FAF1: variants seen among roughly 807,000 people sequenced by gnomAD.
The protein encoded by FAF1 is Fas associated factor 1.
In FAF1, 25 loss-of-function variants were observed where a neutral mutation model predicts 92.5. The ratio of observed to expected loss-of-function variants is 0.27; its 90% CI spans 0.20 to 0.38. The LOEUF (loss-of-function observed/expected upper bound fraction) is 0.38, where lower values mean the gene tolerates loss of function less well. FAF1 is among the 10% of genes least tolerant of loss of function. The pLI is 1.00. For missense variants in FAF1, 636 were observed against 793.3 expected (o/e 0.80, Z 2.38); for synonymous variants, 234 against 273.2 (o/e 0.86, Z 1.42).
chr1:50,737,350 G>A (rs187783857), intron 6 of FAF1, among the ~76,000 whole-genome samples: 2 of 152,166 alleles, frequency 1.3e-5, no homozygotes, highest in Admixed American at 6.6e-5. Context: ...ATTTAATCAC[G>A]CTACTGGAAA....
intron 1 of FAF1, among the ~76,000 whole-genome samples, chr1:50,929,525 A>G (rs1645032717): frequency 6.6e-6 from 1 of 152,236 alleles, no homozygotes; most frequent in African/African-American, 2.4e-5. Flanking sequence ...GGTAACAAAA[A>G]CTAGAGAATA....
intron 6 of FAF1, among the ~76,000 whole-genome samples, chr1:50,707,726 A>T (rs1657744834): frequency 6.6e-6 from 1 of 152,026 alleles, no homozygotes. Flanking sequence ...AAGAAAAAAG[A>T]AAAAAAGGAA....
intron 17 of FAF1, among the ~76,000 whole-genome samples, chr1:50,487,478 G>A (rs1002647601): frequency 1.1e-4 from 16 of 152,060 alleles, no homozygotes; most frequent in Admixed American, 1.0e-3. Context: ...ATGTATTCAT[G>A]TAAGTTTCTT....
chr1:50,789,007 ATT>A (rs1244129697), intron 3 of FAF1, among the ~76,000 whole-genome samples: 1 of 151,818 alleles, frequency 6.6e-6, no homozygotes, highest in Non-Finnish European at 1.5e-5. Context: ...TCATTTTTGT[ATT>A]TTTTTGTAGA....
chr1:50,827,733 G>A (rs755564926), intron 2 of FAF1, among the ~76,000 whole-genome samples: 15 of 151,924 alleles, frequency 9.9e-5, no homozygotes, highest in East Asian at 7.7e-4. Flanking sequence ...ACCTAAATAC[G>A]TAAATAAAAT....
At chr1:50,485,883 G>C (rs932739897) in intron 17 of FAF1, among the ~76,000 whole-genome samples, 1 of 151,886 alleles carries the variant, frequency 6.6e-6, no homozygotes, top group Non-Finnish European at 1.5e-5. Context: ...AACAACGGAG[G>C]AAGTGCCACA....
chr1:50,797,485 G>T (rs1242451185), intron 3 of FAF1, among the ~76,000 whole-genome samples: 1 of 152,068 alleles, frequency 6.6e-6, no homozygotes, highest in East Asian at 1.9e-4. Context: ...AGGATGGCTT[G>T]AACCCAGTAG....
chr1:50,568,745 CAAGT>C (rs1409773886), intron 12 of FAF1, among the ~76,000 whole-genome samples: 1 of 152,086 alleles, frequency 6.6e-6, no homozygotes, highest in East Asian at 1.9e-4. Flanking sequence ...ACTCCAAGTC[CAAGT>C]AAGTGTTTTT....
chr1:50,742,384 AG>A (rs963612907), intron 5 of FAF1, among the ~76,000 whole-genome samples: 6 of 92,496 alleles, frequency 6.5e-5, no homozygotes, highest in Non-Finnish European at 1.1e-4. Flanking sequence ...CAAATTTGGG[AG>A]GGGGGGTGTG....
At chr1:50,678,069 T>C (rs960255728) in intron 7 of FAF1, among the ~76,000 whole-genome samples, 2 of 152,218 alleles carry the variant, frequency 1.3e-5, no homozygotes, top group Non-Finnish European at 2.9e-5. Flanking sequence ...CTTCCATATA[T>C]GCTTGGCACT....
At chr1:50,887,445 C>T (rs1239655360) in intron 1 of FAF1, among the ~76,000 whole-genome samples, 8 of 152,156 alleles carry the variant, frequency 5.3e-5, no homozygotes, top group Admixed American at 4.6e-4. Flanking sequence ...ACATGAAGTC[C>T]TTGCCCATGC....
chr1:50,680,375 T>G (rs1656365892), intron 7 of FAF1, among the ~76,000 whole-genome samples: 1 of 152,122 alleles, frequency 6.6e-6, no homozygotes, highest in Non-Finnish European at 1.5e-5. Flanking sequence ...TCTCCCATAT[T>G]ATTAAGAAAA....
intron 7 of FAF1, among the ~76,000 whole-genome samples, chr1:50,668,259 G>A (rs1422152033): frequency 6.6e-6 from 1 of 152,132 alleles, no homozygotes; most frequent in Non-Finnish European, 1.5e-5. Flanking sequence ...CTGGAGTCAG[G>A]AGAGTTACAT....
At chr1:50,524,581 C>T (rs1647695316) in intron 15 of FAF1, among the ~76,000 whole-genome samples, 1 of 152,050 alleles carries the variant, frequency 6.6e-6, no homozygotes, top group Admixed American at 6.5e-5. Context: ...AGGAAAGAGT[C>T]CGGTTTCAAT....
chr1:50,692,199 A>AAAC (rs1016244329), intron 7 of FAF1, among the ~76,000 whole-genome samples: 3 of 151,144 alleles, frequency 2.0e-5, no homozygotes, highest in Non-Finnish European at 4.4e-5. Flanking sequence ...CTGGGTAAGA[A>AAAC]AACAACAACA....
chr1:50,585,831 A>G (rs940321494), intron 9 of FAF1, among the ~76,000 whole-genome samples: 1 of 151,324 alleles, frequency 6.6e-6, no homozygotes, highest in Non-Finnish European at 1.5e-5. Flanking sequence ...GAAACAAAAT[A>G]TAAGACTCAT....
intron 2 of FAF1, among the ~76,000 whole-genome samples, chr1:50,819,740 C>CGTATATATATATACATATATATACGT (rs3062921): frequency 1.4e-4 from 4 of 28,010 alleles, no homozygotes; most frequent in South Asian, 1.1e-3. Flanking sequence ...CATATATATA[C>CGTATATATATATACATATATATACGT]ATATATATAT....
intron 1 of FAF1, among the ~76,000 whole-genome samples, chr1:50,874,388 G>A (rs1557569570): frequency 6.6e-6 from 1 of 152,072 alleles, no homozygotes; most frequent in Non-Finnish European, 1.5e-5. Context: ...TTGAGACAGA[G>A]TCTCACTCTG....
intron 7 of FAF1, among the ~76,000 whole-genome samples, chr1:50,696,805 T>C (rs1431720670): frequency 6.6e-6 from 1 of 152,160 alleles, no homozygotes; most frequent in Non-Finnish European, 1.5e-5. Context: ...CCATGTTCAG[T>C]ATTATTTTTC....
Sources: gnomAD v4.1 joint callset for allele counts (sites outside exome capture counted in the v4.1 genomes callset) on GRCh38, gnomAD v4.1.1 for gene constraint, MANE v1.5 for transcripts, NCBI Gene and HGNC (gene_info 2026-07-23, HGNC 2026-07-21) for gene names.